The following SAMMSON variants were observed in gnomAD, a reference collection of about 807,000 sequenced individuals.
SAMMSON encodes the protein long intergenic non-protein coding RNA 1212.
chr3:70,045,262 T>C (rs2107587729), intron 3 of SAMMSON, among the ~76,000 whole-genome samples: 1 of 147,690 alleles, frequency 6.8e-6, no homozygotes, highest in Non-Finnish European at 1.5e-5. Flanking sequence ...ATATTTTACT[T>C]AAAAGTATGG....
chr3:70,196,908 T>C (rs1367981381), intron 4 of SAMMSON: 1 of 398,426 alleles, frequency 2.5e-6, no homozygotes, highest in Non-Finnish European at 4.4e-6. Flanking sequence ...ACTGCCGGAA[T>C]GTGGTTACTT....
chr3:70,207,973 C>A (rs756000193), intron 4 of SAMMSON, among the ~76,000 whole-genome samples: 1 of 151,944 alleles, frequency 6.6e-6, no homozygotes, highest in African/African-American at 2.4e-5. Flanking sequence ...CTAAGACAGG[C>A]GTGGACCTTG....
chr3:70,097,643 A>G (rs1286016506), intron 4 of SAMMSON, among the ~76,000 whole-genome samples: 2 of 152,224 alleles, frequency 1.3e-5, no homozygotes, highest in Non-Finnish European at 2.9e-5. Flanking sequence ...TTGAAACTCC[A>G]AATACAATTT....
chr3:70,328,700 T>C (rs564259742), intron 7 of SAMMSON, among the ~76,000 whole-genome samples: 1 of 152,242 alleles, frequency 6.6e-6, no homozygotes, highest in South Asian at 2.1e-4. Flanking sequence ...CAGTCTAATA[T>C]ATGAGTAATT....
chr3:70,050,080 G>A (rs576739645), intron 3 of SAMMSON, among the ~76,000 whole-genome samples: 2 of 152,186 alleles, frequency 1.3e-5, no homozygotes, highest in East Asian at 1.9e-4. Context: ...ACAAGCTAAA[G>A]GCCCCACCTA....
At chr3:70,359,663 A>G (rs1342327390) in intron 9 of SAMMSON, among the ~76,000 whole-genome samples, 2 of 152,080 alleles carry the variant, frequency 1.3e-5, no homozygotes, top group Non-Finnish European at 1.5e-5. Flanking sequence ...AAGACTATTC[A>G]TTTACTTGTT....
Position 70,158,924 on chromosome 3 carries a change from C to A in SAMMSON, n.507+87359C>A, listed in dbSNP as rs146060966. ...ATAATTTCCTTTTAATTGTAGGCAA[C>A]TTGTAAAAATTTCCTCTATATATTT... On this transcript the variant is annotated intron_variant and non_coding_transcript_variant, in intron 4 of 9. Coordinates refer to ENST00000642114, the Ensembl canonical transcript of SAMMSON. 2.7e-3 allele frequency among the ~76,000 whole-genome samples: 405 copies of A among 152,064 alleles called. 5 individuals are homozygous for A. The highest frequency in any genetic ancestry group is 9.1e-3 in the African/African-American group (377 of 41,506).
At chr3:70,014,324 A>G (rs1221114047) in intron 3 of SAMMSON, 1 of 152,146 alleles carries the variant, frequency 6.6e-6, no homozygotes, top group Non-Finnish European at 1.5e-5. Flanking sequence ...GGAGGCGTCT[A>G]AAAGATAAAT....
At chr3:70,260,341 G>A (rs1389001140) in intron 6 of SAMMSON, among the ~76,000 whole-genome samples, 1 of 152,054 alleles carries the variant, frequency 6.6e-6, no homozygotes, top group Non-Finnish European at 1.5e-5. Context: ...TTGGATTTAG[G>A]GGCCCACTCT....
Position 70,432,116 on chromosome 3 carries a change from G to C in SAMMSON, n.234-30444G>C, listed in dbSNP as rs139954667. Among the ~76,000 whole-genome samples, 1,146 of 152,052 alleles carry C rather than the reference G, an allele frequency of 7.5e-3. 14 individuals carry two copies. Among genetic ancestry groups the C allele is most frequent in the African/African-American group, 0.026 (1,088 of 41,538 alleles). ...GGTCATCAGCTGAGAATGTTTATAA[G>C]AAACAGCCAAACCGAGGAATTTGTA... On this transcript the variant is annotated intron_variant and non_coding_transcript_variant, in intron 2 of 3. Coordinates refer to the SAMMSON transcript ENST00000641053.
At chr3:70,256,928 G>A (rs1701822031) in intron 6 of SAMMSON, among the ~76,000 whole-genome samples, 1 of 152,154 alleles carries the variant, frequency 6.6e-6, no homozygotes, top group African/African-American at 2.4e-5. Flanking sequence ...CCTGGGAAAT[G>A]GATTATAATT....
chr3:70,286,136 G>A (rs1473784298), intron 6 of SAMMSON, among the ~76,000 whole-genome samples: 2 of 152,326 alleles, frequency 1.3e-5, no homozygotes, highest in South Asian at 4.1e-4. Context: ...CCTTGCCCAT[G>A]CCTATGTCCT....
chr3:70,423,331 G>A (rs1229980037), intron 2 of SAMMSON, among the ~76,000 whole-genome samples: 1 of 152,112 alleles, frequency 6.6e-6, no homozygotes, highest in Non-Finnish European at 1.5e-5. Context: ...AATGTTGTAA[G>A]AATGGTCCCT....
chr3:70,194,940 A>T (rs1255316750), intron 4 of SAMMSON, among the ~76,000 whole-genome samples: 2 of 152,160 alleles, frequency 1.3e-5, no homozygotes, highest in African/African-American at 4.8e-5. Flanking sequence ...AGGAAGCACT[A>T]GGAGGTGCAA....
intron 3 of SAMMSON, among the ~76,000 whole-genome samples, chr3:70,047,319 T>TTC (rs1274533029): frequency 6.6e-6 from 1 of 151,198 alleles, no homozygotes; most frequent in African/African-American, 2.4e-5. Context: ...ATTATATAAT[T>TTC]TCTCTCTCTC....
intron 9 of SAMMSON, among the ~76,000 whole-genome samples, chr3:70,382,639 T>C (rs1703080627): frequency 6.6e-6 from 1 of 152,076 alleles, no homozygotes; most frequent in East Asian, 1.9e-4. Context: ...AGCAATTCTG[T>C]ACACTAGTAA....
chr3:70,136,597 G>A (rs1329356934), intron 4 of SAMMSON, among the ~76,000 whole-genome samples: 3 of 152,228 alleles, frequency 2.0e-5, no homozygotes, highest in African/African-American at 4.8e-5. Flanking sequence ...GTGTGAGATA[G>A]TAAATGTTTA....
chr3:70,173,053 A>G (rs895213807), intron 4 of SAMMSON: 2 of 151,918 alleles, frequency 1.3e-5, no homozygotes, highest in Non-Finnish European at 2.9e-5. Context: ...GAAACCATCC[A>G]TATAGGGATT....
chr3:70,344,770 G>C (rs1311827552), intron 7 of SAMMSON, among the ~76,000 whole-genome samples: 4 of 152,260 alleles, frequency 2.6e-5, no homozygotes, highest in South Asian at 2.1e-4. Context: ...GCTGAACAGA[G>C]GAGCCACACC....
Sources: allele counts gnomAD v4.1 joint callset (sites outside exome capture counted in the v4.1 genomes callset), GRCh38; gene constraint gnomAD v4.1.1; transcripts MANE v1.5; gene names NCBI Gene and HGNC (gene_info 2026-07-23, HGNC 2026-07-21).